PCDHA7: variants seen among roughly 807,000 people sequenced by gnomAD.
The protein encoded by PCDHA7 is protocadherin alpha 7.
In PCDHA7, 37 loss-of-function variants were observed where a neutral mutation model predicts 57.2. The ratio of observed to expected loss-of-function variants is 0.65; its 90% CI spans 0.50 to 0.85. The LOEUF (loss-of-function observed/expected upper bound fraction) is 0.85, where lower values mean the gene tolerates loss of function less well. Ranked by LOEUF, PCDHA7 falls within the 40% of genes least tolerant of loss-of-function variation. The probability of loss-of-function intolerance (pLI) is 0.00; values close to 1 mark genes in which losing one functional copy is unlikely to be tolerated. For synonymous variants in PCDHA7, 553 were observed against 558.8 expected (o/e 0.99, Z 0.15); for missense variants, 1,188 against 1,241.8 (o/e 0.96, Z 0.65).
chr5:140,850,468 C>A, intron 1 of PCDHA7: 2 of 1,597,912 alleles, frequency 1.3e-6, no homozygotes, highest in Non-Finnish European at 8.6e-7. Flanking sequence ...GGGGAGCCAG[C>A]GCTGACGGCC....
At position 140,835,068 on chromosome 5, in the gene PCDHA7, C is replaced by T; in HGVS notation, c.685C>T (p.Leu229Phe). 1 of 1,210,660 alleles carries T rather than the reference C, an allele frequency of 8.3e-7. No homozygotes were observed. Among genetic ancestry groups the T allele is most frequent in the Non-Finnish European group, 1.1e-6 (1 of 882,336 alleles). 75.0% of individuals were successfully genotyped at this position (1,210,660 alleles called of 1,614,324 possible). ...KPELTGTVQL[L>F]ITVLDNNDNA... ...CGAGCTGACTGGCACCGTTCAATTA[C>T]TCATCACGGTACTGGACAACAATGA... Residue 229 changes from leucine to phenylalanine, a missense_variant, in exon 1 of 4, where the codon CTC becomes TTC. Transcript: ENST00000525929.
At chr5:140,895,677 G>T (rs1554186594) in intron 1 of PCDHA7, among the ~76,000 whole-genome samples, 2 of 151,984 alleles carry the variant, frequency 1.3e-5, no homozygotes, top group African/African-American at 4.8e-5. Flanking sequence ...GTAGTATTTG[G>T]TTTTCTGTTT....
At chr5:140,855,984 A>G in intron 1 of PCDHA7, 1 of 1,472,240 alleles carries the variant, frequency 6.8e-7, no homozygotes, top group East Asian at 2.3e-5. Flanking sequence ...AGGACAGAAA[A>G]TGTCAGATCG....
intron 1 of PCDHA7, chr5:140,870,180 A>G: frequency 1.2e-6 from 2 of 1,614,112 alleles, no homozygotes; most frequent in Non-Finnish European, 8.5e-7. Context: ...TCCCAGTACG[A>G]GAGGACGCTC....
chr5:140,883,885 C>T (rs550197512), intron 1 of PCDHA7: 4 of 1,613,260 alleles, frequency 2.5e-6, no homozygotes, highest in East Asian at 4.5e-5. Context: ...GCGCGCGCGA[C>T]TCTGGCGTGC....
intron 1 of PCDHA7, among the ~76,000 whole-genome samples, chr5:140,909,427 T>C (rs777444474): frequency 5.8e-4 from 88 of 152,174 alleles, no homozygotes; most frequent in Non-Finnish European, 6.5e-4. Context: ...GTTAAACTTA[T>C]GATAATCCAC....
chr5:140,879,973 C>T (rs1554171113), intron 1 of PCDHA7, among the ~76,000 whole-genome samples: 1 of 152,200 alleles, frequency 6.6e-6, no homozygotes, highest in East Asian at 1.9e-4. Context: ...GGATAAACTC[C>T]TTTCAAGATC....
intron 1 of PCDHA7, among the ~76,000 whole-genome samples, chr5:140,932,481 C>T (rs945796094): frequency 6.6e-6 from 1 of 151,842 alleles, no homozygotes; most frequent in African/African-American, 2.4e-5. Flanking sequence ...AGGATATCTC[C>T]TCTTTGCAAT....
At chr5:140,919,217 G>T (rs1427737864) in intron 1 of PCDHA7, among the ~76,000 whole-genome samples, 1 of 152,090 alleles carries the variant, frequency 6.6e-6, no homozygotes, top group Non-Finnish European at 1.5e-5. Context: ...TGTCCTTCTT[G>T]ATTTCTAGTA....
chr5:140,972,359 A>T (rs1466504264), intron 1 of PCDHA7, among the ~76,000 whole-genome samples: 3 of 151,418 alleles, frequency 2.0e-5, no homozygotes, highest in Non-Finnish European at 4.4e-5. Flanking sequence ...TATGTTGCAC[A>T]TGCTGTTAGT....
At chr5:140,893,616 G>C (rs1431019657) in intron 1 of PCDHA7, among the ~76,000 whole-genome samples, 3 of 152,188 alleles carry the variant, frequency 2.0e-5, no homozygotes, top group African/African-American at 7.2e-5. Context: ...CATTTCTGAA[G>C]TATAGCTCTG....
At chr5:140,896,012 T>C (rs1554186792) in intron 1 of PCDHA7, among the ~76,000 whole-genome samples, 3 of 152,162 alleles carry the variant, frequency 2.0e-5, no homozygotes, top group African/African-American at 7.2e-5. Context: ...GGTTTCTCCA[T>C]GTTGGCCAGG....
rs200153004 is a variant in PCDHA7 at position 140,870,042 on chromosome 5, G to A, written c.2355+33304G>A. 5 of 1,613,712 alleles carry A rather than the reference G, an allele frequency of 3.1e-6. No homozygotes were observed. In the East Asian group the frequency reaches 6.7e-5, roughly 22 times the overall value. On this transcript the variant is annotated intron_variant, in intron 1 of 3. Coordinates refer to ENST00000525929, the MANE Select transcript of PCDHA7 (RefSeq NM_018910.3). The stretch of plus-strand genomic sequence containing the variant: ...GAACTTTAGATTATGAAGAAAACAA[G>A]TTTTATAAAATTGAAGTACAGGCTA...
chr5:140,863,494 C>T (rs1203332871), intron 1 of PCDHA7: 2 of 442,624 alleles, frequency 4.5e-6, no homozygotes, highest in East Asian at 6.0e-5. Context: ...GTCAACATTA[C>T]GGCTTTTAGT....
At chr5:140,995,452 G>C (rs1400573812) in intron 3 of PCDHA7, among the ~76,000 whole-genome samples, 1 of 152,098 alleles carries the variant, frequency 6.6e-6, no homozygotes, top group African/African-American at 2.4e-5. Context: ...CTTATGAATT[G>C]TTTATTTTTG....
In PCDHA7 at chr5:140,834,549, C is replaced by T. The variant is rs2150220771; in HGVS notation, c.166C>T (p.Leu56=). The change falls in exon 1 of 4, where the codon CTG becomes TTG. Residue 56 remains leucine, a synonymous_variant. Coordinates refer to ENST00000525929, the MANE Select transcript of PCDHA7 (RefSeq NM_018910.3). The part of the protein sequence containing the change: ...GRIAQDLGLE[L]AELVPRLFRA... ...CATCGCGCAGGACCTGGGGCTGGAG[C>T]TGGCGGAGCTGGTGCCGCGCCTGTT... 1 of 1,614,074 alleles carries T rather than the reference C, an allele frequency of 6.2e-7. No individual in the cohort carries two copies. The highest frequency in any genetic ancestry group is 8.5e-7 in the Non-Finnish European group (1 of 1,180,034).
chr5:140,946,517 G>A (rs138420578), intron 1 of PCDHA7, among the ~76,000 whole-genome samples: 8 of 151,024 alleles, frequency 5.3e-5, no homozygotes, highest in Admixed American at 1.3e-4. Flanking sequence ...AGACCTATCC[G>A]CACTCCCATG....
At chr5:140,967,939 C>T in intron 1 of PCDHA7, 1 of 1,614,188 alleles carries the variant, frequency 6.2e-7, no homozygotes, top group Non-Finnish European at 8.5e-7. Context: ...GTGTCAATGA[C>T]CAAGACTCAG....
intron 1 of PCDHA7, chr5:140,858,707 A>T: frequency 3.7e-6 from 2 of 547,914 alleles, no homozygotes; most frequent in South Asian, 2.5e-5. Flanking sequence ...CAAATATGTG[A>T]TATAGGTTGC....
Sources: gnomAD v4.1 joint callset for allele counts (sites outside exome capture counted in the v4.1 genomes callset) on GRCh38, gnomAD v4.1.1 for gene constraint, MANE v1.5 for transcripts, NCBI Gene and HGNC (gene_info 2026-07-23, HGNC 2026-07-21) for gene names.